The following NCKAP5 variants were observed in gnomAD, a reference collection of about 807,000 sequenced individuals.
NCKAP5 encodes the protein NCK associated protein 5.
Under a neutral mutation model 167.0 loss-of-function variants are expected in NCKAP5, and 92 were observed. The ratio of observed to expected loss-of-function variants is 0.55; its 90% CI spans 0.47 to 0.66. The LOEUF is 0.66. Among genes scored for constraint, NCKAP5 ranks in the 30% least tolerant of loss-of-function variants. The pLI, the probability that NCKAP5 is intolerant of heterozygous loss-of-function variation, is 0.00. For missense variants in NCKAP5, 2,378 were observed against 2,315.0 expected (o/e 1.03, Z -0.56); for synonymous variants, 891 against 877.4 (o/e 1.02, Z -0.27).
intron 6 of NCKAP5, chr2:133,122,076 G>A (rs1458541163): frequency 6.6e-6 from 1 of 152,178 alleles, no homozygotes; most frequent in Non-Finnish European, 1.5e-5. Context: ...AGGGGCTTGG[G>A]AGGGAAATGA....
chr2:132,911,238 A>C (rs1694426084), intron 8 of NCKAP5: 1 of 165,130 alleles, frequency 6.1e-6, no homozygotes, highest in Admixed American at 6.1e-5. Flanking sequence ...TTACAAACTG[A>C]TAAAGCACTT....
intron 8 of NCKAP5, among the ~76,000 whole-genome samples, chr2:132,879,209 A>G (rs1403605919): frequency 6.6e-6 from 1 of 152,192 alleles, no homozygotes; most frequent in Admixed American, 6.5e-5. Flanking sequence ...AAAGATTACA[A>G]TGTTTATTTT....
chr2:133,054,563 C>T (rs959663419), intron 6 of NCKAP5, among the ~76,000 whole-genome samples: 2 of 152,120 alleles, frequency 1.3e-5, no homozygotes, highest in African/African-American at 4.8e-5. Context: ...GTCAAGCTGG[C>T]TAATGTCCTA....
intron 2 of NCKAP5, chr2:133,554,381 T>C (rs1687590073): frequency 6.6e-6 from 1 of 152,186 alleles, no homozygotes; most frequent in Non-Finnish European, 1.5e-5. Context: ...CATCTTAAAA[T>C]TCTGCTTTGC....
At chr2:132,880,406 C>T (rs868714097) in intron 8 of NCKAP5, among the ~76,000 whole-genome samples, 75 of 152,050 alleles carry the variant, frequency 4.9e-4, no homozygotes, top group African/African-American at 1.7e-3. Flanking sequence ...GAGGCAGGTG[C>T]ATCACTAGAG....
At chr2:133,302,503 CCAT>C in intron 4 of NCKAP5, among the ~76,000 whole-genome samples, 1 of 44,796 alleles carries the variant, frequency 2.2e-5, no homozygotes, top group Non-Finnish European at 4.2e-5. Flanking sequence ...AAATTGGAAA[CCAT>C]CATTCTCAGT....
intron 3 of NCKAP5, among the ~76,000 whole-genome samples, chr2:133,458,561 G>A (rs1691998615): frequency 6.6e-6 from 1 of 152,140 alleles, no homozygotes. Context: ...TACCTTGCAA[G>A]TCCACAATGT....
At chr2:132,827,739 C>T (rs979040147) in intron 11 of NCKAP5, among the ~76,000 whole-genome samples, 1 of 152,160 alleles carries the variant, frequency 6.6e-6, no homozygotes, top group Non-Finnish European at 1.5e-5. Flanking sequence ...CTAAAAAGTT[C>T]ATAGGATTCT....
chr2:133,081,798 C>T (rs1253587610), intron 6 of NCKAP5, among the ~76,000 whole-genome samples: 1 of 152,104 alleles, frequency 6.6e-6, no homozygotes, highest in Non-Finnish European at 1.5e-5. Context: ...AGCATAGCTC[C>T]TTCATTCCAA....
At chr2:133,554,789 C>T (rs935458905) in intron 2 of NCKAP5, among the ~76,000 whole-genome samples, 1 of 151,992 alleles carries the variant, frequency 6.6e-6, no homozygotes, top group Admixed American at 6.6e-5. Flanking sequence ...ATTGGGGTCC[C>T]TATAAAAGAA....
the NCKAP5 span, among the ~76,000 whole-genome samples, chr2:133,662,692 A>G: frequency 6.7e-6 from 1 of 148,652 alleles, no homozygotes; most frequent in Non-Finnish European, 1.5e-5. Context: ...TTCTGAAATT[A>G]AAAATATTTT....
intron 3 of NCKAP5, among the ~76,000 whole-genome samples, chr2:133,307,772 T>C (rs1680885096): frequency 6.6e-6 from 1 of 152,158 alleles, no homozygotes; most frequent in South Asian, 2.1e-4. Flanking sequence ...CCAAAAGGTG[T>C]CTGTGTGCAG....
intron 6 of NCKAP5, among the ~76,000 whole-genome samples, chr2:133,021,423 CT>C (rs2078523313): frequency 1.3e-5 from 2 of 152,046 alleles, no homozygotes; most frequent in African/African-American, 4.8e-5. Context: ...TTTCCTGGGG[CT>C]GAATATATGT....
intron 9 of NCKAP5, among the ~76,000 whole-genome samples, chr2:132,878,321 C>A (rs1007236930): frequency 1.2e-4 from 19 of 152,184 alleles, no homozygotes; most frequent in African/African-American, 4.6e-4. Context: ...TTTTCTTCCT[C>A]ATTTCTCTTT....
Position 132,878,895 on chromosome 2 carries a change from A to T in NCKAP5, c.601T>A (p.Leu201Met). Residue 201 changes from leucine (L) to methionine (M), a missense_variant, in exon 9 of 20, where the codon TTG becomes ATG. Leu to Met is a conservative substitution (Grantham distance 15, BLOSUM62 2). Coordinates refer to ENST00000409261, the MANE Select transcript of NCKAP5 (RefSeq NM_207363.3). ...TGTTCCCTTTGATTTTCATTCTCCA[A>T]AGCCAACGCTGAATTCTCTGCCTGC... is the stretch of plus-strand genomic sequence containing the variant. ...ALEAENSALA[L>M]ENENQREQYE... The T allele has an allele frequency of 6.2e-7, 1 of 1,613,692 alleles. No homozygotes were observed.
intron 3 of NCKAP5, among the ~76,000 whole-genome samples, chr2:133,495,683 C>T (rs939113938): frequency 6.6e-6 from 1 of 152,142 alleles, no homozygotes; most frequent in Admixed American, 6.5e-5. Flanking sequence ...AGTCCAGAGA[C>T]ATGTCTGTGG....
At chr2:133,079,503 G>T (rs554986063) in intron 6 of NCKAP5, among the ~76,000 whole-genome samples, 6 of 152,172 alleles carry the variant, frequency 3.9e-5, no homozygotes, top group African/African-American at 1.2e-4. Context: ...TTCTATTTTT[G>T]CCCAGTAGAA....
intron 8 of NCKAP5, among the ~76,000 whole-genome samples, chr2:132,892,752 G>A (rs906972401): frequency 6.6e-5 from 10 of 152,050 alleles, no homozygotes; most frequent in Non-Finnish European, 1.5e-4. Flanking sequence ...AAGAAAATAA[G>A]AGACTATCAA....
At chr2:133,073,632 A>G (rs1559112943) in intron 6 of NCKAP5, among the ~76,000 whole-genome samples, 1 of 152,220 alleles carries the variant, frequency 6.6e-6, no homozygotes. Flanking sequence ...AGAATCATCA[A>G]TTAGAGGACT....
Sources: gnomAD v4.1 joint callset for allele counts (sites outside exome capture counted in the v4.1 genomes callset) on GRCh38, gnomAD v4.1.1 for gene constraint, MANE v1.5 for transcripts, NCBI Gene and HGNC (gene_info 2026-07-23, HGNC 2026-07-21) for gene names.